The following NR3C2 variants were observed in gnomAD, a reference collection of about 807,000 sequenced individuals.
The protein encoded by NR3C2 is mineralocorticoid receptor.
Under a neutral mutation model 86.4 loss-of-function variants are expected in NR3C2, and 15 were observed. The ratio of observed to expected loss-of-function variants is 0.17; its 90% CI spans 0.12 to 0.27. The LOEUF is 0.27. Ranked by LOEUF, NR3C2 falls within the 10% of genes least tolerant of loss-of-function variation. The probability of loss-of-function intolerance (pLI) is 1.00; values close to 1 mark genes in which losing one functional copy is unlikely to be tolerated. For synonymous variants in NR3C2, 458 were observed against 450.5 expected (o/e 1.02, Z -0.21); for missense variants, 960 against 1,195.6 (o/e 0.80, Z 2.91).
intron 2 of NR3C2, among the ~76,000 whole-genome samples, chr4:148,323,647 A>C (rs1250870480): frequency 6.6e-6 from 1 of 152,058 alleles, no homozygotes; most frequent in Non-Finnish European, 1.5e-5. Context: ...ATTTTCCAGA[A>C]GCCGTCAGTC....
intron 2 of NR3C2, among the ~76,000 whole-genome samples, chr4:148,397,397 T>C (rs1042105829): frequency 1.3e-5 from 2 of 152,238 alleles, no homozygotes; most frequent in African/African-American, 2.4e-5. Flanking sequence ...TGGGTTTTAA[T>C]TCTAGCTCTA....
At chr4:148,281,651 A>T (rs746737514) in intron 2 of NR3C2, among the ~76,000 whole-genome samples, 1 of 152,230 alleles carries the variant, frequency 6.6e-6, no homozygotes, top group Non-Finnish European at 1.5e-5. Flanking sequence ...CCTCATGAGG[A>T]GATCTAGCTC....
chr4:148,256,879 T>C (rs559178141), intron 3 of NR3C2, among the ~76,000 whole-genome samples: 8 of 152,250 alleles, frequency 5.3e-5, no homozygotes, highest in Non-Finnish European at 1.0e-4. Context: ...AGAACACACA[T>C]ACATCCCATT....
At chr4:148,210,080 G>A (rs78010339) in intron 3 of NR3C2, among the ~76,000 whole-genome samples, 9 of 152,280 alleles carry the variant, frequency 5.9e-5, no homozygotes, top group African/African-American at 1.7e-4. Context: ...AGGAGGGTCT[G>A]GATGGGTCAC....
At chr4:148,441,889 GGGAA>G (rs1750359941) in intron 1 of NR3C2, among the ~76,000 whole-genome samples, 1 of 152,222 alleles carries the variant, frequency 6.6e-6, no homozygotes, top group South Asian at 2.1e-4. Flanking sequence ...TTTGGGTAAA[GGGAA>G]GGGTGGTAGA....
chr4:148,357,804 T>G (rs149478878), intron 2 of NR3C2, among the ~76,000 whole-genome samples: 115 of 152,270 alleles, frequency 7.6e-4, no homozygotes, highest in African/African-American at 2.7e-3. Context: ...TGTCAGCCAC[T>G]TTAGTTCCTG....
chr4:148,358,926 A>G (rs776314701), intron 2 of NR3C2, among the ~76,000 whole-genome samples: 1 of 151,118 alleles, frequency 6.6e-6, no homozygotes, highest in Non-Finnish European at 1.5e-5. Context: ...AAAAACACTA[A>G]GTGGATCACA....
chr4:148,416,075 C>G (rs1041770865), intron 2 of NR3C2, among the ~76,000 whole-genome samples: 1 of 151,968 alleles, frequency 6.6e-6, no homozygotes, highest in Non-Finnish European at 1.5e-5. Context: ...GTAATGATTT[C>G]CTATAAATTT....
intron 4 of NR3C2, among the ~76,000 whole-genome samples, chr4:148,155,451 C>T (rs1734326112): frequency 1.3e-5 from 2 of 152,150 alleles, no homozygotes; most frequent in Admixed American, 1.3e-4. Context: ...AAATCACAAG[C>T]ATTCTTATAC....
intron 2 of NR3C2, among the ~76,000 whole-genome samples, chr4:148,386,439 A>G (rs1378175686): frequency 6.6e-6 from 1 of 152,224 alleles, no homozygotes; most frequent in African/African-American, 2.4e-5. Context: ...CACAAACACT[A>G]TGATTAACCA....
At chr4:148,083,860 G>A (rs1335927381) in intron 8 of NR3C2, among the ~76,000 whole-genome samples, 1 of 151,992 alleles carries the variant, frequency 6.6e-6, no homozygotes, top group Non-Finnish European at 1.5e-5. Flanking sequence ...CACAGCACAA[G>A]AACTTCGTGA....
intron 2 of NR3C2, among the ~76,000 whole-genome samples, chr4:148,377,283 G>A (rs897844890): frequency 2.6e-5 from 4 of 152,130 alleles, no homozygotes; most frequent in African/African-American, 9.7e-5. Flanking sequence ...AGGTGAATGT[G>A]GCATCCACAC....
chr4:148,366,481 C>CTTTTTTAAA (rs1561066895), intron 2 of NR3C2, among the ~76,000 whole-genome samples: 8 of 14,876 alleles, frequency 5.4e-4, no homozygotes, highest in African/African-American at 2.1e-3. Context: ...AAAAAGTACT[C>CTTTTTTAAA]AGCACTTTTA....
intron 4 of NR3C2, among the ~76,000 whole-genome samples, chr4:148,178,034 G>A (rs892196239): frequency 6.6e-6 from 1 of 152,082 alleles, no homozygotes; most frequent in Non-Finnish European, 1.5e-5. Context: ...AAACGTTTTC[G>A]ACTCCAAAAT....
chr4:148,393,044 A>C (rs1198394015), intron 2 of NR3C2, among the ~76,000 whole-genome samples: 4 of 152,182 alleles, frequency 2.6e-5, no homozygotes, highest in African/African-American at 9.6e-5. Flanking sequence ...GGCTGTAATA[A>C]ATGCTGAAGT....
At chr4:148,402,853 AT>A (rs1432731853) in intron 2 of NR3C2, among the ~76,000 whole-genome samples, 2 of 152,274 alleles carry the variant, frequency 1.3e-5, no homozygotes, top group East Asian at 3.9e-4. Context: ...AGTCCAAAAT[AT>A]ATTATTAAAT....
chr4:148,389,239 C>T (rs887751427), intron 2 of NR3C2, among the ~76,000 whole-genome samples: 4 of 151,990 alleles, frequency 2.6e-5, no homozygotes, highest in Non-Finnish European at 5.9e-5. Flanking sequence ...GCAGAAAAAG[C>T]AAGGCCCCAG....
chr4:148,290,120 G>A (rs111238097), intron 2 of NR3C2, among the ~76,000 whole-genome samples: 2 of 152,002 alleles, frequency 1.3e-5, no homozygotes, highest in Non-Finnish European at 2.9e-5. Context: ...AGTTTCTTCC[G>A]GGGCCTCTCT....
intron 2 of NR3C2, among the ~76,000 whole-genome samples, chr4:148,286,869 A>T (rs1741551882): frequency 1.3e-5 from 2 of 152,236 alleles, no homozygotes; most frequent in African/African-American, 4.8e-5. Context: ...AATCATGTAC[A>T]AAGGGAGTCA....
Sources: allele counts gnomAD v4.1 joint callset (sites outside exome capture counted in the v4.1 genomes callset), GRCh38; gene constraint gnomAD v4.1.1; transcripts MANE v1.5; gene names NCBI Gene and HGNC (gene_info 2026-07-23, HGNC 2026-07-21).